The following PTCSC3 variants were observed in gnomAD, a reference collection of about 807,000 sequenced individuals.
PTCSC3 encodes the protein papillary thyroid carcinoma susceptibility candidate 3, also known as papillary thyroid carcinoma susceptibility candidate 3 (non-protein coding).
intron 3 of PTCSC3, among the ~76,000 whole-genome samples, chr14:36,151,412 T>C (rs1225782600): frequency 6.6e-6 from 1 of 152,166 alleles, no homozygotes; most frequent in African/African-American, 2.4e-5. Flanking sequence ...GATCTTTGGC[T>C]TGGTGTTTCT....
At chr14:36,158,184 T>C (rs1285776578) in intron 2 of PTCSC3, among the ~76,000 whole-genome samples, 1 of 152,222 alleles carries the variant, frequency 6.6e-6, no homozygotes, top group Admixed American at 6.5e-5. Flanking sequence ...AAATATACAA[T>C]CATGTCATCT....
At chr14:36,173,491 A>G (rs1322717489) in intron 1 of PTCSC3, among the ~76,000 whole-genome samples, 1 of 152,134 alleles carries the variant, frequency 6.6e-6, no homozygotes, top group Non-Finnish European at 1.5e-5. Flanking sequence ...GAATGCTTTA[A>G]TTTAAAAAAC....
chr14:36,155,085 A>AACTT (rs1471679173), intron 2 of PTCSC3, among the ~76,000 whole-genome samples: 3 of 152,324 alleles, frequency 2.0e-5, no homozygotes, highest in African/African-American at 4.8e-5. Flanking sequence ...AAAAAGGCAC[A>AACTT]ACTTCTTGCA....
intron 1 of PTCSC3, among the ~76,000 whole-genome samples, chr14:36,168,395 A>ATATATATATG (rs1445966548): frequency 2.6e-5 from 3 of 114,496 alleles, no homozygotes; most frequent in African/African-American, 8.6e-5. Context: ...ATATATATAT[A>ATATATATATG]TATTCTACTT....
intron 1 of PTCSC3, among the ~76,000 whole-genome samples, chr14:36,174,269 C>T (rs1001870547): frequency 6.6e-6 from 1 of 152,090 alleles, no homozygotes; most frequent in Non-Finnish European, 1.5e-5. Flanking sequence ...TTTTTCTTCT[C>T]TCTACTCTCC....
chr14:36,141,243 T>C (rs563922343), intron 3 of PTCSC3, among the ~76,000 whole-genome samples: 28 of 152,310 alleles, frequency 1.8e-4, no homozygotes, highest in African/African-American at 6.3e-4. Flanking sequence ...ATATAAACTT[T>C]AGAATCAATT....
chr14:36,136,472 T>G (rs1192155916), intron 3 of PTCSC3: 1 of 152,146 alleles, frequency 6.6e-6, no homozygotes, highest in Non-Finnish European at 1.5e-5. Context: ...CTAGGATTAA[T>G]AAGAGGTAAG....
chr14:36,155,503 C>A (rs931856563), intron 2 of PTCSC3, among the ~76,000 whole-genome samples: 11 of 151,866 alleles, frequency 7.2e-5, no homozygotes, highest in Non-Finnish European at 1.2e-4. Context: ...TTATTTTATA[C>A]ACTCACGGTC....
At chr14:36,139,133 AAAAAAAAGAAAT>A (rs1183013834) in intron 3 of PTCSC3, among the ~76,000 whole-genome samples, 75 of 150,386 alleles carry the variant, frequency 5.0e-4, no homozygotes, top group African/African-American at 1.8e-3. Context: ...AAAAAAAAAA[AAAAAAAAGAAAT>A]GCATATATGT....
intron 3 of PTCSC3, among the ~76,000 whole-genome samples, chr14:36,152,260 T>C (rs1029996157): frequency 6.6e-6 from 1 of 152,130 alleles, no homozygotes; most frequent in Admixed American, 6.5e-5. Context: ...AAATTGGACT[T>C]TATTAAAATA....
At chr14:36,172,125 C>T (rs1164604842) in intron 1 of PTCSC3, among the ~76,000 whole-genome samples, 2 of 152,088 alleles carry the variant, frequency 1.3e-5, no homozygotes, top group African/African-American at 4.8e-5. Flanking sequence ...GGCTTTTGTG[C>T]CTGGCTTGCA....
intron 2 of PTCSC3, among the ~76,000 whole-genome samples, chr14:36,155,717 C>G (rs955333837): frequency 1.3e-5 from 2 of 152,008 alleles, no homozygotes; most frequent in African/African-American, 4.8e-5. Context: ...ACAAAATAAT[C>G]CTAAGATTTG....
intron 1 of PTCSC3, among the ~76,000 whole-genome samples, chr14:36,173,842 T>C (rs1882232278): frequency 6.6e-6 from 1 of 152,176 alleles, no homozygotes; most frequent in African/African-American, 2.4e-5. Context: ...TTACGGAGGC[T>C]CTTTCTGCTG....
chr14:36,154,630 G>A (rs1477525241), intron 2 of PTCSC3, among the ~76,000 whole-genome samples: 2 of 152,138 alleles, frequency 1.3e-5, no homozygotes, highest in Non-Finnish European at 2.9e-5. Context: ...CCACGTGAGA[G>A]GGGATGAGGG....
intron 2 of PTCSC3, among the ~76,000 whole-genome samples, chr14:36,154,487 T>C (rs556515890): frequency 9.8e-5 from 15 of 152,330 alleles, no homozygotes; most frequent in East Asian, 7.7e-4. Flanking sequence ...ATTTTTCAAA[T>C]TTACTTCAAT....
intron 2 of PTCSC3, among the ~76,000 whole-genome samples, chr14:36,157,378 T>G (rs939736986): frequency 1.3e-5 from 2 of 152,224 alleles, no homozygotes; most frequent in Admixed American, 1.3e-4. Context: ...TAGTTTCTTT[T>G]GCTGTGCAGA....
At chr14:36,145,958 G>T (rs1881556086) in intron 3 of PTCSC3, among the ~76,000 whole-genome samples, 2 of 152,048 alleles carry the variant, frequency 1.3e-5, no homozygotes, top group African/African-American at 4.8e-5. Context: ...CAGTTTCCAT[G>T]TAGTTGAGCG....
At chr14:36,138,804 G>A (rs1433807330) in intron 3 of PTCSC3, among the ~76,000 whole-genome samples, 2 of 152,134 alleles carry the variant, frequency 1.3e-5, no homozygotes, top group Non-Finnish European at 2.9e-5. Flanking sequence ...AAATCCACTT[G>A]TAGATATTTA....
chr14:36,160,897 T>C (rs955713328), intron 2 of PTCSC3, among the ~76,000 whole-genome samples: 5 of 152,170 alleles, frequency 3.3e-5, no homozygotes, highest in Non-Finnish European at 5.9e-5. Flanking sequence ...TATAGTCCCA[T>C]ATTTCTTGGA....
Sources: allele counts gnomAD v4.1 joint callset (sites outside exome capture counted in the v4.1 genomes callset), GRCh38; gene constraint gnomAD v4.1.1; transcripts MANE v1.5; gene names NCBI Gene and HGNC (gene_info 2026-07-23, HGNC 2026-07-21).